PARP10: variants seen among roughly 807,000 people sequenced by gnomAD.
PARP10 encodes the protein protein mono-ADP-ribosyltransferase PARP10.
A neutral mutation model predicts 82.4 loss-of-function variants in PARP10; 56 were observed. The ratio of observed to expected loss-of-function variants is 0.68; its 90% confidence interval spans 0.55 to 0.85. PARP10 has a LOEUF of 0.85. PARP10 is among the 40% of genes least tolerant of loss of function. The pLI is 0.00. For synonymous variants in PARP10, 576 were observed against 601.1 expected (o/e 0.96, Z 0.61); for missense variants, 1,227 against 1,379.4 (o/e 0.89, Z 1.75).
chr8:144,008,997 G>T lies in PARP10; in HGVS notation c.-80+3533C>A, dbSNP rs1834253778. On this transcript the variant is annotated intron_variant, in intron 1 of 3. Transcript: ENST00000530478. This position sits in a 1 kb window ranked among gnomAD's most constrained non-coding sequence, Gnocchi z 4.0. Reference sequence around the variant, plus strand: ...GGGGGACCCTGGGGGTCTTTTGAGGGCCTCTACTGTGCACTGTGAGTCTAA... The same window carrying T: ...GGGGGACCCTGGGGGTCTTTTGAGGTCCTCTACTGTGCACTGTGAGTCTAA... Among the ~76,000 whole-genome samples, 1 of 152,168 alleles carries T rather than the reference G, an allele frequency of 6.6e-6. No homozygotes were observed. The highest frequency in any genetic ancestry group is 2.1e-4 in the South Asian group (1 of 4,836).
chr8:143,988,099 C>T (rs1329355238), upstream of PARP10, among the ~76,000 whole-genome samples: 3 of 149,474 alleles, frequency 2.0e-5, no homozygotes, highest in East Asian at 6.0e-4. Flanking sequence ...GCCCTACCTT[C>T]CCCACAAACC....
rs144813673 is a variant in PARP10 at position 143,983,241 on chromosome 8, C to T, written c.2348G>A (p.Arg783His). The T allele has an allele frequency of 1.3e-4, 216 of 1,613,030 alleles. No individual in the cohort carries two copies. The highest frequency in any genetic ancestry group is 1.7e-4 in the Non-Finnish European group (198 of 1,179,830). Residue 783 changes from arginine to histidine, a missense_variant, in exon 8 of 11, where the codon CGC becomes CAC. Arg to His is a conservative substitution (Grantham distance 29). Transcript: ENST00000313028. ...GCCAGCCAGAAGTGCCACCAAGTGG[C>T]GGGCAGCACGGGCAGGGTGGGCCCC... ...GFGAHPARAA[R>H]HLVALLAGPW... is the part of the protein sequence containing the mutation.
Position 143,985,003 on chromosome 8 carries a change from G to T in PARP10, c.999C>A (p.Thr333=). 1 of 1,613,944 alleles carries T rather than the reference G, an allele frequency of 6.2e-7. No individual in the cohort carries two copies. The highest frequency in any genetic ancestry group is 8.5e-7 in the Non-Finnish European group (1 of 1,179,994). ...GSGQEPGQSG[T]SLRTGPMGSL... ...ACCCCATGGGACCTGTCCTCAGAGAGGTCCCTGACTGCCCTGGTTCCTGGC... is the reference window on the plus strand; with the variant it reads ...ACCCCATGGGACCTGTCCTCAGAGATGTCCCTGACTGCCCTGGTTCCTGGC... The change falls in exon 5 of 11, where the codon ACC becomes ACA. Residue 333 remains threonine, a synonymous_variant. Transcript: ENST00000313028.
In PARP10 at chr8:143,977,671, G is replaced by A; in HGVS notation, c.2891C>T (p.Pro964Leu). Residue 964 changes from proline (P) to leucine (L), a missense_variant, in exon 11 of 11, where the codon CCT (proline) becomes CTT (leucine). Physicochemically the swap from Pro to Leu is moderately conservative, Grantham distance 98 (BLOSUM62 -3). Transcript: ENST00000313028. Reference protein sequence around the residue: ...GQGRRGLRAPPLRGPGHVLLR... With the variant: ...GQGRRGLRAPLLRGPGHVLLR... ...GAGCACGTGGCCAGGACCCCGCAGA[G>A]GGGGCGCCCGCAGACCGCGGCGGCC... 1 of 1,593,934 alleles carries A rather than the reference G, an allele frequency of 6.3e-7. No homozygotes were observed. The highest frequency in any genetic ancestry group is 1.1e-5 in the South Asian group (1 of 88,458).
At chr8:143,991,722 G>A (rs1554750537), upstream of PARP10, 1 of 1,613,542 alleles carries the variant, frequency 6.2e-7, no homozygotes, top group African/African-American at 1.3e-5. Flanking sequence ...CAGGAGGAGG[G>A]TCCCCCATCC....
rs782092848 is a variant in PARP10, at chr8:143,985,394, C to T, written c.673+18G>A. The T allele has an allele frequency of 3.7e-6, 6 of 1,600,914 alleles. No individual in the cohort carries two copies. Among genetic ancestry groups the T allele is most frequent in the Middle Eastern group, 1.7e-4 (1 of 6,026 alleles). Reference sequence around the variant, plus strand: ...GCAGGAGAGGGACGGTCGGCTGGGTCTGCCCAGCCCCACTCACCTTGCCAC... The same window carrying T: ...GCAGGAGAGGGACGGTCGGCTGGGTTTGCCCAGCCCCACTCACCTTGCCAC... On this transcript the variant is annotated intron_variant, in intron 4 of 10. Coordinates refer to ENST00000313028, the MANE Select transcript of PARP10 (RefSeq NM_032789.5).
upstream of PARP10, chr8:143,992,265 G>C: frequency 6.2e-7 from 1 of 1,600,704 alleles, no homozygotes; most frequent in Non-Finnish European, 8.5e-7. Flanking sequence ...CCGCCAGCCT[G>C]TCGTACATGG....
upstream of PARP10, among the ~76,000 whole-genome samples, chr8:143,995,902 G>A (rs1834161126): frequency 6.6e-6 from 1 of 152,226 alleles, no homozygotes; most frequent in Non-Finnish European, 1.5e-5. Context: ...CAGTCTGAGT[G>A]GCTGCTGCCT....
At chr8:143,995,601 A>G (rs575912035), upstream of PARP10, among the ~76,000 whole-genome samples, 12 of 152,194 alleles carry the variant, frequency 7.9e-5, no homozygotes, top group African/African-American at 2.4e-4. Context: ...AAAGAAGACC[A>G]GTCGCTGACA....
At chr8:144,007,947 A>G (rs2133082965) in intron 1 of PARP10, among the ~76,000 whole-genome samples, 1 of 152,330 alleles carries the variant, frequency 6.6e-6, no homozygotes, top group South Asian at 2.1e-4. Context: ...TAAGCGCTCA[A>G]TAATGTCAGC....
At chr8:144,006,256 A>C (rs1455336584) in intron 1 of PARP10, among the ~76,000 whole-genome samples, 1 of 152,242 alleles carries the variant, frequency 6.6e-6, no homozygotes, top group Non-Finnish European at 1.5e-5. Context: ...AAGTGTGTTA[A>C]GCTTTACTCT....
At chr8:143,992,175 A>G (rs535765704), upstream of PARP10, 1,847 of 1,601,880 alleles carry the variant, frequency 1.2e-3, 4 homozygotes, top group Non-Finnish European at 1.4e-3. Flanking sequence ...CCTTGTGCTC[A>G]TGAGGCAGGG....
At chr8:143,998,595 G>A (rs1834178552) in intron 1 of PARP10, among the ~76,000 whole-genome samples, 1 of 152,172 alleles carries the variant, frequency 6.6e-6, no homozygotes, top group South Asian at 2.1e-4. Context: ...TATGGTGGAT[G>A]TTAAGAAAAA....
At chr8:143,991,946 G>A (rs1834105350), upstream of PARP10, 3 of 1,613,722 alleles carry the variant, frequency 1.9e-6, no homozygotes, top group East Asian at 2.2e-5. Flanking sequence ...CTTTTGTTGC[G>A]GAGGTGAAGG....
intron 9 of PARP10, among the ~76,000 whole-genome samples, chr8:143,981,314 G>GAT: frequency 6.7e-6 from 1 of 149,340 alleles, no homozygotes; most frequent in Admixed American, 6.6e-5. Context: ...TAGTGGTGGT[G>GAT]GTGATGGTGG....
In PARP10 at chr8:143,983,168, G is replaced by A; in HGVS notation, c.2421C>T (p.Thr807=). The change falls in exon 8 of 11, where the codon ACC becomes ACT. Residue 807 remains threonine, a splice_region_variant and synonymous_variant. Transcript: ENST00000313028. ...CCTCAGTCCAGGAGGTAGACTCACA[G>A]GTAGGGCCTGAAGCTGCCAAGGGAA... is the stretch of plus-strand genomic sequence containing the variant. ...LAFPLAASGP[T]LAGQTLKGPW... The A allele has an allele frequency of 6.2e-7, 1 of 1,613,228 alleles. No homozygotes were observed. Among genetic ancestry groups the A allele is most frequent in the Non-Finnish European group, 8.5e-7 (1 of 1,179,550 alleles).
intron 9 of PARP10, among the ~76,000 whole-genome samples, chr8:143,978,352 T>G (rs1351538453): frequency 1.3e-5 from 2 of 152,122 alleles, no homozygotes; most frequent in Non-Finnish European, 2.9e-5. Flanking sequence ...GCGAGGCCTC[T>G]GCAGAGAAAA....
upstream of PARP10, chr8:143,992,871 G>T: frequency 1.2e-6 from 2 of 1,604,972 alleles, no homozygotes; most frequent in Non-Finnish European, 8.5e-7. Flanking sequence ...GCCCGCTCAG[G>T]TGGCACGGCT....
upstream of PARP10, chr8:143,990,095 C>G (rs1290064118): frequency 1.3e-5 from 2 of 151,402 alleles, no homozygotes; most frequent in African/African-American, 4.8e-5. The surrounding 1 kb of genome is among the most constrained non-coding windows in gnomAD (Gnocchi z 5.6). Context: ...AGGCGCAGGC[C>G]CAGCTGAGCG....
Sources: gnomAD v4.1 joint callset for allele counts (sites outside exome capture counted in the v4.1 genomes callset) on GRCh38, gnomAD v4.1.1 for gene constraint, Gnocchi (gnomAD v3.1) non-coding constraint, MANE v1.5 for transcripts, NCBI Gene and HGNC (gene_info 2026-07-23, HGNC 2026-07-21) for gene names.